The following S100B variants were observed in gnomAD, a reference collection of about 807,000 sequenced individuals.
The protein encoded by S100B is protein S100-B.
A neutral mutation model predicts 7.7 loss-of-function variants in S100B; 6 were observed. The ratio of observed to expected loss-of-function variants is 0.78; its 90% confidence interval spans 0.43 to 1.54. The LOEUF is 1.54. S100B is among the 40% of genes most tolerant of loss of function. S100B has a pLI of 0.01. For synonymous variants in S100B, 36 were observed against 40.4 expected (o/e 0.89, Z 0.41); for missense variants, 99 against 111.8 (o/e 0.89, Z 0.52).
chr21:46,599,646 C>T (rs1223884200), intron 2 of S100B, 143 bp from the exon 3 acceptor site: 2 of 784,856 alleles, frequency 2.5e-6, no homozygotes, highest in African/African-American at 1.7e-5. Context: ...GAAAAGATGT[C>T]TCATGTGACC....
chr21:46,600,019 ACT>A (rs2061037138), intron 2 of S100B, among the ~76,000 whole-genome samples: 1 of 152,146 alleles, frequency 6.6e-6, no homozygotes, highest in Non-Finnish European at 1.5e-5. Context: ...GTGTCATGAA[ACT>A]TTTTCCTGAC....
At chr21:46,602,613 C>T in intron 1 of S100B, 197 bp from the exon 2 acceptor site, 1 of 526,844 alleles carries the variant, frequency 1.9e-6, no homozygotes, top group Non-Finnish European at 3.3e-6. Context: ...CCACCGGCCT[C>T]TTAGACAGCT....
At chr21:46,603,732 T>C (rs796641047) in intron 1 of S100B, among the ~76,000 whole-genome samples, 18 of 61,444 alleles carry the variant, frequency 2.9e-4, no homozygotes, top group African/African-American at 1.5e-3. Context: ...GGAATTATTT[T>C]ATTTATTTCT....
intron 2 of S100B, among the ~76,000 whole-genome samples, chr21:46,600,855 G>C (rs532726448): frequency 6.6e-6 from 1 of 152,128 alleles, no homozygotes; most frequent in Non-Finnish European, 1.5e-5. Context: ...GCACTGTCCC[G>C]CTTCACCCTC....
rs76955299 is a variant in S100B at position 46,604,501 on chromosome 21, G to T, written c.-2+512C>A. On this transcript the variant is annotated intron_variant, in intron 1 of 2. Transcript: ENST00000291700. Reference sequence around the variant, plus strand: ...TTTGTAATTGTTACGTAATTTCTGAGTGGCGTCCTGGGGCTGTGGGGACCC... The same window carrying T: ...TTTGTAATTGTTACGTAATTTCTGATTGGCGTCCTGGGGCTGTGGGGACCC... Among the ~76,000 whole-genome samples, 182 of 152,310 alleles carry T rather than the reference G, an allele frequency of 1.2e-3. 2 individuals carry two copies. The East Asian group carries it at 0.029, about 25-fold the overall frequency.
rs1222451226 is a variant in S100B at position 46,598,820 on chromosome 21, G to T, written c.*543C>A. On this transcript the variant is annotated 3_prime_UTR_variant, in exon 3 of 3. Transcript: ENST00000291700. ...GTTGCTTTTTCCAGGAGCGCTGCCAGCGCTGAGCGTTCACCTGGTGATCAG... is the reference window on the plus strand; with the variant it reads ...GTTGCTTTTTCCAGGAGCGCTGCCATCGCTGAGCGTTCACCTGGTGATCAG... 6.5e-6 allele frequency: 1 copy of T among 153,020 alleles called. No homozygotes were observed. Among genetic ancestry groups the T allele is most frequent in the East Asian group, 1.9e-4 (1 of 5,218 alleles). The allele number at this position is 153,020 out of a possible 1,614,324, so 9.5% of individuals were successfully genotyped here. A position where few individuals can be genotyped will look rare whatever the true frequency, so the allele number is the denominator to read the frequency against.
intron 1 of S100B, among the ~76,000 whole-genome samples, chr21:46,603,392 A>AGGGGGTGGCGGGAGGGGGGGGCGGGGGG (rs1555923736): frequency 2.6e-5 from 1 of 38,206 alleles, no homozygotes; most frequent in Non-Finnish European, 4.9e-5. Flanking sequence ...GGACGGCGGG[A>AGGGGGTGGCGGGAGGGGGGGGCGGGGGG]GGGGGTGGGG....
intron 1 of S100B, among the ~76,000 whole-genome samples, chr21:46,603,392 A>AGGGGGTGGGGGGTGGGGGGGGGCGGGG (rs796474856): frequency 2.6e-5 from 1 of 38,206 alleles, no homozygotes; most frequent in Non-Finnish European, 4.9e-5. Flanking sequence ...GGACGGCGGG[A>AGGGGGTGGGGGGTGGGGGGGGGCGGGG]GGGGGTGGGG....
chr21:46,601,550 A>G (rs2061041354), intron 2 of S100B, among the ~76,000 whole-genome samples: 1 of 152,170 alleles, frequency 6.6e-6, no homozygotes, highest in Non-Finnish European at 1.5e-5. Context: ...CCCTAATGCA[A>G]GGGTCTGGAC....
At position 46,602,499 on chromosome 21, in the gene S100B, C is replaced by T. The variant is rs28559645; in HGVS notation, c.-1-83G>A. Reference sequence around the variant, plus strand: ...ATATGTTATCAATACAGACCTCAACCCAGACAAGGGGGATGGAATGGCCTT... The same window carrying T: ...ATATGTTATCAATACAGACCTCAACTCAGACAAGGGGGATGGAATGGCCTT... On this transcript the variant is annotated intron_variant, in intron 1 of 2. Transcript: ENST00000291700. 1.2e-3 allele frequency: 1,644 copies of T among 1,404,222 alleles called. 20 individuals carry two copies. The African/African-American group carries it at 0.021, about 18-fold the overall frequency. 87.0% of individuals were successfully genotyped at this position (1,404,222 alleles called of 1,614,324 possible). A position where few individuals can be genotyped will look rare whatever the true frequency, so the allele number is the denominator to read the frequency against.
At chr21:46,600,345 C>T (rs1205636174) in intron 2 of S100B, 1 of 436,506 alleles carries the variant, frequency 2.3e-6, no homozygotes, top group Non-Finnish European at 4.6e-6. Context: ...AAGTTTGAGA[C>T]CAGCCTGGGC....
chr21:46,601,127 C>A (rs750931467), intron 2 of S100B, among the ~76,000 whole-genome samples: 9 of 152,174 alleles, frequency 5.9e-5, no homozygotes, highest in Non-Finnish European at 1.2e-4. Flanking sequence ...CCCCCTCCCC[C>A]TGCCCTGAAA....
intron 2 of S100B, among the ~76,000 whole-genome samples, chr21:46,600,828 A>G (rs540917957): frequency 3.3e-5 from 5 of 152,316 alleles, no homozygotes; most frequent in African/African-American, 1.2e-4. Flanking sequence ...AGCTTTCACT[A>G]TATGTTAAGC....
At chr21:46,603,392 A>AAGGGGTGGGGGGAGGGGGGGGCGGGGGGG (rs2061047262) in intron 1 of S100B, among the ~76,000 whole-genome samples, 1 of 38,206 alleles carries the variant, frequency 2.6e-5, no homozygotes, top group Non-Finnish European at 4.9e-5. Context: ...GGACGGCGGG[A>AAGGGGTGGGGGGAGGGGGGGGCGGGGGGG]GGGGGTGGGG....
In S100B at chr21:46,599,568, A is replaced by G. The variant is rs1285617273; in HGVS notation, c.139-65T>C. The G allele has an allele frequency of 1.8e-5, 25 of 1,428,410 alleles. No individual in the cohort carries two copies. The South Asian group carries it at 2.7e-4, about 15-fold the overall frequency. 88.5% of individuals were successfully genotyped at this position (1,428,410 alleles called of 1,614,324 possible). On this transcript the variant is annotated intron_variant, in intron 2 of 2. Transcript: ENST00000291700. ...TGGAATTTTGGACCATCAAAACATGATTAAAAGTTGAGTGACTCTGATAAT... is the reference window on the plus strand; with the variant it reads ...TGGAATTTTGGACCATCAAAACATGGTTAAAAGTTGAGTGACTCTGATAAT...
chr21:46,604,795 C>T (rs966751333), intron 1 of S100B, among the ~76,000 whole-genome samples: 9 of 152,180 alleles, frequency 5.9e-5, no homozygotes, highest in African/African-American at 2.2e-4. Flanking sequence ...TGGCAAAACA[C>T]ACCTCTAGCT....
At position 46,599,513 on chromosome 21, in the gene S100B, A is replaced by G. The variant is rs776710233; in HGVS notation, c.139-10T>C. ...CCTGCTCTTTGATTTCCTAAGAGAG[A>G]TAAAAGGAGTTGCCGACCTTGTTTT... On this transcript the variant is annotated splice_polypyrimidine_tract_variant and intron_variant, in intron 2 of 2. Transcript: ENST00000291700. 2.5e-6 allele frequency: 4 copies of G among 1,613,702 alleles called. No individual in the cohort carries two copies. Among genetic ancestry groups the G allele is most frequent in the Non-Finnish European group, 3.4e-6 (4 of 1,179,732 alleles).
chr21:46,602,188 C>G (rs1233790153), intron 2 of S100B, 90 bp downstream of exon 2: 3 of 1,230,590 alleles, frequency 2.4e-6, no homozygotes, highest in Non-Finnish European at 3.4e-6. Flanking sequence ...AATGAAATCA[C>G]CTTCAGGGCA....
At chr21:46,604,455 C>T (rs2061051863) in intron 1 of S100B, among the ~76,000 whole-genome samples, 4 of 152,158 alleles carry the variant, frequency 2.6e-5, no homozygotes, top group South Asian at 4.1e-4. Context: ...ACCAAAACCC[C>T]GATTTCTTTG....
Sources: gnomAD v4.1 joint callset for allele counts (sites outside exome capture counted in the v4.1 genomes callset) on GRCh38, gnomAD v4.1.1 for gene constraint, MANE v1.5 for transcripts, NCBI Gene and HGNC (gene_info 2026-07-23, HGNC 2026-07-21) for gene names.